Variants in HS3ST4 observed in about 807,000 individuals in gnomAD.
HS3ST4 encodes heparan sulfate-glucosamine 3-sulfotransferase 4, also known as heparan sulfate glucosamine 3-O-sulfotransferase 4.
A neutral mutation model predicts 29.2 loss-of-function variants in HS3ST4; 17 were observed. The observed-to-expected ratio is 0.58, with a 90% CI of 0.40 to 0.87. The LOEUF is 0.87. Ranked by LOEUF, HS3ST4 falls within the 40% of genes least tolerant of loss-of-function variation. HS3ST4 has a pLI of 0.00. For synonymous variants in HS3ST4, 314 were observed against 285.7 expected, an observed-to-expected ratio of 1.10 and a Z score of -1.00; for missense variants, 627 against 634.5, an observed-to-expected ratio of 0.99 and a Z score of 0.13.
intron 1 of HS3ST4, among the ~76,000 whole-genome samples, chr16:25,749,816 G>T (rs906639924): frequency 1.3e-5 from 2 of 152,098 alleles, no homozygotes; most frequent in Non-Finnish European, 2.9e-5. Context: ...ATTCTTCCAA[G>T]AACCTTATGT....
intron 1 of HS3ST4, among the ~76,000 whole-genome samples, chr16:25,931,225 C>T (rs1968459912): frequency 6.6e-6 from 1 of 152,208 alleles, no homozygotes; most frequent in Non-Finnish European, 1.5e-5. Flanking sequence ...TGCCGTGTGA[C>T]CCCTCCAAGC....
intron 1 of HS3ST4, among the ~76,000 whole-genome samples, chr16:25,986,720 A>G (rs554568424): frequency 6.6e-6 from 1 of 152,342 alleles, no homozygotes; most frequent in South Asian, 2.1e-4. Context: ...ATGGAGAAGA[A>G]TTCACTGGCA....
At chr16:25,844,080 T>A (rs780889647) in intron 1 of HS3ST4, among the ~76,000 whole-genome samples, 36 of 71,312 alleles carry the variant, frequency 5.0e-4, no homozygotes, top group Non-Finnish European at 1.1e-3. Context: ...ATTTTTCACA[T>A]GTTTGTTTTT....
At chr16:26,055,137 A>G (rs1002276161) in intron 1 of HS3ST4, among the ~76,000 whole-genome samples, 1 of 151,650 alleles carries the variant, frequency 6.6e-6, no homozygotes, top group African/African-American at 2.4e-5. Context: ...TTGCTCTTTA[A>G]TGTGAATCAT....
intron 1 of HS3ST4, among the ~76,000 whole-genome samples, chr16:26,105,558 C>T (rs910351721): frequency 2.6e-5 from 4 of 152,198 alleles, no homozygotes; most frequent in Admixed American, 1.3e-4. Context: ...TCATCCCTAC[C>T]GTGGAATCCA....
At chr16:25,725,982 T>A (rs368355934) in intron 1 of HS3ST4, among the ~76,000 whole-genome samples, 1 of 152,190 alleles carries the variant, frequency 6.6e-6, no homozygotes, top group Non-Finnish European at 1.5e-5. Context: ...AATGACCTAG[T>A]ATAAACACAC....
intron 1 of HS3ST4, among the ~76,000 whole-genome samples, chr16:25,973,768 T>G (rs1327931789): frequency 6.6e-6 from 1 of 152,172 alleles, no homozygotes; most frequent in Non-Finnish European, 1.5e-5. Context: ...ACTTAACAGT[T>G]TTATGAGCTT....
Position 26,111,052 on chromosome 16 carries a change from A to ATTTAT in HS3ST4, c.735-24536_735-24532dup, listed in dbSNP as rs55992209. Among the ~76,000 whole-genome samples, 51 of 149,332 alleles carry ATTTAT rather than the reference A, an allele frequency of 3.4e-4. No homozygotes were observed. The South Asian group carries it at 5.4e-3, about 16-fold the overall frequency. On this transcript the variant is annotated intron_variant, in intron 1 of 1. Coordinates refer to ENST00000331351, the MANE Select transcript of HS3ST4 (RefSeq NM_006040.3). Reference sequence around the variant, plus strand: ...TATTTTTTTTGTTAAGTAGGGAAGGATTTATTTTATTTTATTTTATTTTAT... The same window carrying ATTTAT: ...TATTTTTTTTGTTAAGTAGGGAAGGATTTATTTTATTTTATTTTATTTTATTTTAT...
At chr16:26,086,959 C>T (rs1013002501) in intron 1 of HS3ST4, among the ~76,000 whole-genome samples, 5 of 152,178 alleles carry the variant, frequency 3.3e-5, no homozygotes, top group Non-Finnish European at 7.3e-5. Context: ...TCTTTCTCTT[C>T]TCCTCCACTT....
intron 1 of HS3ST4, among the ~76,000 whole-genome samples, chr16:26,057,539 G>A (rs997272917): frequency 2.6e-5 from 4 of 152,156 alleles, no homozygotes; most frequent in East Asian, 1.9e-4. Flanking sequence ...CAGATCATGA[G>A]GTCAAGAGAT....
chr16:26,130,881 C>T (rs1466163237), intron 1 of HS3ST4, among the ~76,000 whole-genome samples: 1 of 152,194 alleles, frequency 6.6e-6, no homozygotes, highest in Non-Finnish European at 1.5e-5. Flanking sequence ...CCTCCTGTGT[C>T]AACATGATTA....
chr16:26,043,780 C>G (rs1898233547), intron 1 of HS3ST4, among the ~76,000 whole-genome samples: 1 of 152,168 alleles, frequency 6.6e-6, no homozygotes, highest in African/African-American at 2.4e-5. Flanking sequence ...GTACTTTAAA[C>G]CCCTGCCCTT....
chr16:26,094,245 A>G (rs1369373107), intron 1 of HS3ST4, among the ~76,000 whole-genome samples: 1 of 152,198 alleles, frequency 6.6e-6, no homozygotes, highest in Non-Finnish European at 1.5e-5. Context: ...CAACATTCAA[A>G]TTCAGGAAAT....
intron 1 of HS3ST4, among the ~76,000 whole-genome samples, chr16:26,112,379 A>ATT (rs1899143685): frequency 2.9e-5 from 2 of 69,002 alleles, no homozygotes; most frequent in Non-Finnish European, 6.4e-5. Context: ...AAGCCTCTAC[A>ATT]TCTTTTTTTT....
chr16:25,845,069 A>G (rs1390578014), intron 1 of HS3ST4, among the ~76,000 whole-genome samples: 1 of 152,094 alleles, frequency 6.6e-6, no homozygotes, highest in Non-Finnish European at 1.5e-5. Flanking sequence ...GGGGAGGAAG[A>G]GCATTAGTAA....
intron 1 of HS3ST4, among the ~76,000 whole-genome samples, chr16:25,707,131 C>A (rs1966380882): frequency 6.6e-6 from 1 of 152,040 alleles, no homozygotes; most frequent in Admixed American, 6.6e-5. Context: ...TATCTCAGTG[C>A]TTATGTGTGA....
chr16:25,746,973 C>T (rs115381002), intron 1 of HS3ST4, among the ~76,000 whole-genome samples: 4,492 of 152,244 alleles, frequency 0.03, 197 homozygotes, highest in East Asian at 0.16. Flanking sequence ...CTCAGTCTCC[C>T]GAGTAGCTAA....
At chr16:26,106,173 T>G (rs909607325) in intron 1 of HS3ST4, among the ~76,000 whole-genome samples, 5 of 152,162 alleles carry the variant, frequency 3.3e-5, no homozygotes, top group Non-Finnish European at 7.4e-5. Flanking sequence ...CTTATCAGTC[T>G]TTCATATATC....
At chr16:26,058,374 G>T (rs1043273872) in intron 1 of HS3ST4, among the ~76,000 whole-genome samples, 1 of 152,176 alleles carries the variant, frequency 6.6e-6, no homozygotes, top group Non-Finnish European at 1.5e-5. Flanking sequence ...ATTTCTTCCT[G>T]CAGGCTTTTT....
Sources: allele counts gnomAD v4.1 joint callset (sites outside exome capture counted in the v4.1 genomes callset), GRCh38; gene constraint gnomAD v4.1.1; transcripts MANE v1.5; gene names NCBI Gene and HGNC (gene_info 2026-07-23, HGNC 2026-07-21).